Variants in GSDMB observed in about 807,000 individuals in gnomAD.
GSDMB encodes the protein gasdermin-B.
A neutral mutation model predicts 42.9 loss-of-function variants in GSDMB; 32 were observed. That is an observed-to-expected ratio of 0.75 (90% CI 0.56 to 1.00). The LOEUF (loss-of-function observed/expected upper bound fraction) is 1.00. Ranked by LOEUF, GSDMB falls within the 50% of genes least tolerant of loss-of-function variation. The pLI is 0.00. For missense variants in GSDMB, 468 were observed against 498.5 expected (o/e 0.94, Z 0.58); for synonymous variants, 175 against 193.7 (o/e 0.90, Z 0.80).
At chr17:39,905,298 C>T (rs2063483975) in intron 10 of GSDMB, 128 bp downstream of exon 10, 2 of 673,910 alleles carry the variant, frequency 3.0e-6, no homozygotes, top group African/African-American at 3.6e-5. Context: ...CACAAACCAG[C>T]TGCATGGATG....
In GSDMB at chr17:39,906,260, C is replaced by T. The variant is rs1226527311; in HGVS notation, c.739G>A (p.Gly247Ser). The change falls in exon 8 of 11, where the codon GGT becomes AGT. Residue 247 changes from glycine to serine, a missense_variant. Gly to Ser is a moderately conservative substitution (Grantham distance 56, BLOSUM62 0). Transcript: ENST00000418519. Reference protein sequence around the residue: ...GASSCLGKSLGSEDSRNMKEK... With the variant: ...GASSCLGKSLSSEDSRNMKEK... The stretch of plus-strand genomic sequence containing the variant: ...TTCATGTTTCTGGAATCCTCCGAAC[C>T]CAAAGACTTTCCTGTAGAGGCAGCA... 1.9e-6 allele frequency: 3 copies of T among 1,614,032 alleles called. No homozygotes were observed. Among genetic ancestry groups the T allele is most frequent in the Non-Finnish European group, 2.5e-6 (3 of 1,180,030 alleles).
intron 9 of GSDMB, 136 bp downstream of exon 9, chr17:39,905,711 C>A: frequency 9.4e-7 from 1 of 1,069,188 alleles, no homozygotes; most frequent in Non-Finnish European, 1.4e-6. Flanking sequence ...AATGCCTGGC[C>A]TGAGGAAGAC....
In GSDMB at chr17:39,909,918, C is replaced by T. The variant is rs140944841; in HGVS notation, c.414G>A (p.Leu138=). 78 of 1,613,190 alleles carry T rather than the reference C, an allele frequency of 4.8e-5. No individual in the cohort carries two copies. The African/African-American group carries it at 8.7e-4, about 18-fold the overall frequency. The change falls in exon 4 of 11, where the codon CTG becomes CTA. Residue 138 remains leucine, a synonymous_variant. Coordinates refer to ENST00000418519, the MANE Select transcript of GSDMB (RefSeq NM_001165958.2). ...QYLATLENRK[L]KRELPFSFRS... ...GGAATGAAAAGGGTAGTTCCCTCTT[C>T]AGCTTCCTGGAGAGAGTGGAGAGAG...
rs2063756850 is a variant in GSDMB at position 39,918,571 on chromosome 17, T to C, written c.-52A>G. 6.6e-6 allele frequency: 1 copy of C among 152,332 alleles called. No homozygotes were observed. The highest frequency in any genetic ancestry group is 1.5e-5 in the Non-Finnish European group (1 of 68,086). The allele number at this position is 152,332 out of a possible 1,614,324, so 9.4% of individuals were successfully genotyped here. A position where few individuals can be genotyped will look rare whatever the true frequency, so the allele number is the denominator to read the frequency against. On this transcript the variant is annotated 5_prime_UTR_variant, in exon 1 of 11. Coordinates refer to ENST00000418519, the MANE Select transcript of GSDMB (RefSeq NM_001165958.2). ...CTCAGCTGTTCACCAGAAATGGAAG[T>C]TGTGAGAATCCCCACAGATCTCTGC... is the stretch of plus-strand genomic sequence containing the variant.
chr17:39,906,918 G>T, intron 7 of GSDMB, 43 bp downstream of exon 7: 2 of 1,613,404 alleles, frequency 1.2e-6, no homozygotes, highest in South Asian at 2.2e-5. Flanking sequence ...ACTCAGGGTG[G>T]GTTGGTGCAG....
chr17:39,917,265 C>T lies in GSDMB; in HGVS notation c.52G>A (p.Ala18Thr), dbSNP rs373180121. 5.3e-5 allele frequency: 85 copies of T among 1,613,812 alleles called. No individual in the cohort carries two copies. Among genetic ancestry groups the T allele is most frequent in the Non-Finnish European group, 7.0e-5 (82 of 1,179,770 alleles). The change falls in exon 2 of 11, where the codon GCT (alanine) becomes ACT (threonine). Residue 18 changes from alanine to threonine, a missense_variant. Physicochemically the swap from Ala to Thr is moderately conservative, Grantham distance 58. Coordinates refer to ENST00000418519, the MANE Select transcript of GSDMB (RefSeq NM_001165958.2). The part of the protein sequence containing the change: ...ITRIVVKEMD[A>T]GGDMIAVRSL... The stretch of plus-strand genomic sequence containing the variant: ...CTAACGGCAATCATATCCCCTCCAG[C>T]ATCCATCTCCTTAACTACAATTCTT...
intron 6 of GSDMB, chr17:39,907,730 AAAAATTAAATT>A (rs2063531091): frequency 6.5e-6 from 1 of 154,376 alleles, no homozygotes. Flanking sequence ...TCTGTCTCAA[AAAAATTAAATT>A]AAATTAAATT....
intron 9 of GSDMB, 34 bp from the exon 10 acceptor site, chr17:39,905,530 AT>A: frequency 1.3e-6 from 2 of 1,544,300 alleles, no homozygotes; most frequent in Non-Finnish European, 1.8e-6. Context: ...AAAAGGAGAG[AT>A]ATATGGTGGG....
At chr17:39,912,211 A>G in intron 3 of GSDMB, 115 bp downstream of exon 3, 1 of 722,270 alleles carries the variant, frequency 1.4e-6, no homozygotes, top group Non-Finnish European at 2.3e-6. Context: ...AAAGCAGGGA[A>G]AAGAAAAATA....
At chr17:39,911,622 C>T (rs1239258923) in intron 3 of GSDMB, among the ~76,000 whole-genome samples, 1 of 152,146 alleles carries the variant, frequency 6.6e-6, no homozygotes, top group African/African-American at 2.4e-5. Context: ...TTGCTTTCCT[C>T]GTGCTTCACT....
At chr17:39,913,956 T>G (rs963419429) in intron 2 of GSDMB, among the ~76,000 whole-genome samples, 1 of 152,342 alleles carries the variant, frequency 6.6e-6, no homozygotes, top group East Asian at 1.9e-4. Flanking sequence ...AAATCACTAT[T>G]TGTGTGTACA....
At chr17:39,918,275 A>G (rs1412127716) in intron 1 of GSDMB, 3 of 152,104 alleles carry the variant, frequency 2.0e-5, no homozygotes, top group Non-Finnish European at 4.4e-5. Flanking sequence ...CCTCCCTACC[A>G]ACAATTTCCC....
intron 6 of GSDMB, among the ~76,000 whole-genome samples, chr17:39,907,954 A>G (rs1257304958): frequency 1.3e-5 from 2 of 152,244 alleles, no homozygotes; most frequent in East Asian, 3.9e-4. Context: ...GATCCAGCTG[A>G]CTGCCAGCAC....
In GSDMB at chr17:39,918,529, C is replaced by G. The variant is rs1598282719; in HGVS notation, c.-15+5G>C. 2 of 152,572 alleles carry G rather than the reference C, an allele frequency of 1.3e-5. No homozygotes were observed. Among genetic ancestry groups the G allele is most frequent in the East Asian group, 3.8e-4 (2 of 5,324 alleles). 9.5% of individuals were successfully genotyped at this position (152,572 alleles called of 1,614,324 possible). On this transcript the variant is annotated splice_donor_5th_base_variant and intron_variant, in intron 1 of 10. Coordinates refer to ENST00000418519, the MANE Select transcript of GSDMB (RefSeq NM_001165958.2). ...AACCACAGGCCCATCTCAAGTGGTA[C>G]CCACCTCCTCTCTGACCTCAGCTGT...
chr17:39,904,956 A>G lies in GSDMB; in HGVS notation c.1107T>C (p.Ser369=). 1 of 1,613,376 alleles carries G rather than the reference A, an allele frequency of 6.2e-7. No individual in the cohort carries two copies. Among genetic ancestry groups the G allele is most frequent in the Non-Finnish European group, 8.5e-7 (1 of 1,179,640 alleles). ...GCTCATCCCAGTTCTGCTCCATGAC[A>G]GATTTCACCTGGAAGGAAACCCCCC... The part of the protein sequence containing the change: ...TLPLLKDQVK[S]VMEQNWDELA... Residue 369 remains serine (S), a synonymous_variant, in exon 11 of 11, where the codon TCT becomes TCC. Coordinates refer to ENST00000418519, the MANE Select transcript of GSDMB (RefSeq NM_001165958.2).
At chr17:39,907,986 T>C (rs1053257596) in intron 6 of GSDMB, among the ~76,000 whole-genome samples, 190 bp downstream of exon 6, 3 of 152,186 alleles carry the variant, frequency 2.0e-5, no homozygotes, top group Non-Finnish European at 4.4e-5. Flanking sequence ...AGGAGCAGCC[T>C]GGAAACCCTA....
At position 39,905,883 on chromosome 17, in the gene GSDMB, C is replaced by A; in HGVS notation, c.991G>T (p.Ala331Ser). ...NAAGVLVEAR[A>S]KAILDFLDAL... Reference sequence around the variant, plus strand: ...TCCAGGAAGTCCAGAATGGCTTTTGCACGCGCTTCTACCAAGACCCCAGCA... The same window carrying A: ...TCCAGGAAGTCCAGAATGGCTTTTGAACGCGCTTCTACCAAGACCCCAGCA... The change falls in exon 9 of 11, where the codon GCA becomes TCA. Residue 331 changes from alanine to serine, a missense_variant. Ala to Ser is a moderately conservative substitution (Grantham distance 99). Coordinates refer to ENST00000418519, the MANE Select transcript of GSDMB (RefSeq NM_001165958.2). 21 of 1,614,004 alleles carry A rather than the reference C, an allele frequency of 1.3e-5. No homozygotes were observed. The highest frequency in any genetic ancestry group is 1.8e-5 in the Non-Finnish European group (21 of 1,179,948).
chr17:39,906,338 A>G, intron 7 of GSDMB, 67 bp from the exon 8 acceptor site: 1 of 1,490,910 alleles, frequency 6.7e-7, no homozygotes. Context: ...AGGCTCTGTT[A>G]TTTGTCTGAC....
At chr17:39,906,906 G>A in intron 7 of GSDMB, 55 bp downstream of exon 7, 1 of 1,612,496 alleles carries the variant, frequency 6.2e-7, no homozygotes, top group Non-Finnish European at 8.5e-7. Context: ...TGAGCCACAT[G>A]GACTCAGGGT....
Sources: gnomAD v4.1 joint callset for allele counts (sites outside exome capture counted in the v4.1 genomes callset) on GRCh38, gnomAD v4.1.1 for gene constraint, MANE v1.5 for transcripts, NCBI Gene and HGNC (gene_info 2026-07-23, HGNC 2026-07-21) for gene names.